The following PHLDB1 variants were observed in gnomAD, a reference collection of about 807,000 sequenced individuals.
PHLDB1 encodes the protein pleckstrin homology-like domain family B member 1.
PHLDB1 carries 65 observed loss-of-function variants against 139.3 expected under a neutral mutation model. The observed-to-expected ratio is 0.47, with a 90% CI of 0.38 to 0.57. The LOEUF is 0.57. Among genes scored for constraint, PHLDB1 ranks in the 20% least tolerant of loss-of-function variants. PHLDB1 has a pLI of 0.00. For missense variants in PHLDB1, 1,624 were observed against 1,839.7 expected (o/e 0.88, Z 2.14); for synonymous variants, 679 against 734.5 (o/e 0.92, Z 1.22).
intron 12 of PHLDB1, chr11:118,640,825 G>C (rs1308990336): frequency 6.6e-6 from 1 of 152,266 alleles, no homozygotes; most frequent in Non-Finnish European, 1.5e-5. Flanking sequence ...AGCCCAGGGC[G>C]AATTCAGGCA....
intron 18 of PHLDB1, among the ~76,000 whole-genome samples, chr11:118,648,563 C>T (rs1947912057): frequency 6.6e-6 from 1 of 152,114 alleles, no homozygotes; most frequent in African/African-American, 2.4e-5. Flanking sequence ...TGCTGGCCCA[C>T]ACCCCACAGG....
rs1324842014 is a variant in PHLDB1 at position 118,611,960 on chromosome 11, C to T, written c.-21-1856C>T. On this transcript the variant is annotated intron_variant, in intron 1 of 22. Transcript: ENST00000600882. This position sits in a 1 kb window ranked among gnomAD's most constrained non-coding sequence, Gnocchi z 4.7. ...GCTTTATTGAGGTATAATTTATATACTATAACATCCACCCAATTTAAGTAT... is the reference window on the plus strand; with the variant it reads ...GCTTTATTGAGGTATAATTTATATATTATAACATCCACCCAATTTAAGTAT... Among the ~76,000 whole-genome samples, 5 of 151,986 alleles carry T rather than the reference C, an allele frequency of 3.3e-5. No individual in the cohort carries two copies. The highest frequency in any genetic ancestry group is 7.4e-5 in the Non-Finnish European group (5 of 68,004).
chr11:118,628,585 G>A lies in PHLDB1; in HGVS notation c.1762G>A (p.Asp588Asn), dbSNP rs533645182. 74 of 1,612,802 alleles carry A rather than the reference G, an allele frequency of 4.6e-5. No homozygotes were observed. The East Asian group carries it at 1.4e-3, about 30-fold the overall frequency. ...CACAGAGATCAGTGACAATGAGGAC[G>A]ACCTCCTGGAGTACCACCGGCGACA... ...SITEISDNED[D>N]LLEYHRRQRQ... The change falls in exon 6 of 23, where the codon GAC (aspartate) becomes AAC (asparagine). Residue 588 changes from aspartate (D) to asparagine (N), a missense_variant. Asp to Asn is a conservative substitution (Grantham distance 23, BLOSUM62 1). Transcript: ENST00000600882.
At chr11:118,654,401 A>C (rs1280023176) in intron 20 of PHLDB1, 1 of 152,130 alleles carries the variant, frequency 6.6e-6, no homozygotes, top group African/African-American at 2.4e-5. Flanking sequence ...TTTTTTTAAA[A>C]AATAGGTAAA....
rs911819311 is a variant in PHLDB1, at chr11:118,629,501, G to C, written c.1827+851G>C. 3.1e-4 allele frequency among the ~76,000 whole-genome samples: 47 copies of C among 152,324 alleles called. 1 individual carries two copies. The highest frequency in any genetic ancestry group is 2.3e-3 in the Admixed American group (35 of 15,302). On this transcript the variant is annotated intron_variant, in intron 6 of 22. Coordinates refer to ENST00000600882, the MANE Select transcript of PHLDB1 (RefSeq NM_001144758.3). ...ATGGATTCTGCCCTCTGTCCCTTAC[G>C]AGCAGAACAGGGTTCTTTGGAAGGT...
intron 12 of PHLDB1, 197 bp from the exon 13 acceptor site, chr11:118,642,057 C>T (rs1555121387): frequency 1.7e-6 from 1 of 598,166 alleles, no homozygotes; most frequent in Admixed American, 2.5e-5. Flanking sequence ...TCTCCTTTCT[C>T]CCTTCCTTCC....
chr11:118,613,548 G>A lies in PHLDB1; in HGVS notation c.-21-268G>A, dbSNP rs551553987. ...TAGCATAGGGCAAGAAAGCACAGAA[G>A]TATAGATTGGGCCCTATGGGACTGT... On this transcript the variant is annotated intron_variant, in intron 1 of 22. Coordinates refer to ENST00000600882, the MANE Select transcript of PHLDB1 (RefSeq NM_001144758.3). 6.5e-4 allele frequency: 533 copies of A among 816,198 alleles called. 1 individual carries two copies. Among genetic ancestry groups the A allele is most frequent in the Non-Finnish European group, 7.9e-4 (482 of 609,526 alleles). The allele number at this position is 816,198 out of a possible 1,614,324, so 50.6% of individuals were successfully genotyped here. A position where few individuals can be genotyped will look rare whatever the true frequency, so the allele number is the denominator to read the frequency against.
chr11:118,641,735 C>G (rs1555120844), intron 12 of PHLDB1: 2 of 1,289,834 alleles, frequency 1.6e-6, no homozygotes, highest in African/African-American at 1.5e-5. Context: ...ACCTGCCTTC[C>G]TCCCATGCTG....
At chr11:118,634,982 C>T (rs1345981686) in intron 9 of PHLDB1, 1 of 462,750 alleles carries the variant, frequency 2.2e-6, no homozygotes, top group Admixed American at 2.3e-5. Context: ...CGCTCTACGC[C>T]GAGCTCCAGA....
At position 118,607,615 on chromosome 11, in the gene PHLDB1, G is replaced by A. The variant is rs7125115; in HGVS notation, c.-106G>A. 59,397 of 144,560 alleles carry A rather than the reference G, an allele frequency of 0.41. 13,259 individuals carry two copies. Among genetic ancestry groups the A allele is most frequent in the African/African-American group, 0.59 (22,246 of 37,790 alleles). The allele number at this position is 144,560 out of a possible 1,614,324, so 9.0% of individuals were successfully genotyped here. A position where few individuals can be genotyped will look rare whatever the true frequency, so the allele number is the denominator to read the frequency against. ...TAGCGAGCTCCCGGGGAAAAGCAAC[G>A]GTGTCCTCCTAAGCCTGAGGCCACC... On this transcript the variant is annotated 5_prime_UTR_variant, in exon 1 of 23. Coordinates refer to ENST00000600882, the MANE Select transcript of PHLDB1 (RefSeq NM_001144758.3).
chr11:118,609,547 GCCCAGCTCACACCGCAGC>G (rs1939769084), intron 1 of PHLDB1, among the ~76,000 whole-genome samples: 1 of 151,104 alleles, frequency 6.6e-6, no homozygotes, highest in Non-Finnish European at 1.5e-5. Flanking sequence ...CACACACACA[GCCCAGCTCACACCGCAGC>G]CCCAGCTCAC....
At position 118,628,146 on chromosome 11, in the gene PHLDB1, T is replaced by C. The variant is rs1555105246; in HGVS notation, c.1323T>C (p.Pro441=). 2 of 1,614,038 alleles carry C rather than the reference T, an allele frequency of 1.2e-6. No homozygotes were observed. The highest frequency in any genetic ancestry group is 2.2e-5 in the South Asian group (2 of 91,082). The change falls in exon 6 of 23, where the codon CCT becomes CCC. Residue 441 remains proline, a synonymous_variant. Transcript: ENST00000600882. The part of the protein sequence containing the change: ...DGLATRTLQP[P]ESPRLGRRGL... Reference sequence around the variant, plus strand: ...TAGCCACCCGTACCCTGCAGCCTCCTGAGAGTCCCCGCCTGGGCCGGCGGG... The same window carrying C: ...TAGCCACCCGTACCCTGCAGCCTCCCGAGAGTCCCCGCCTGGGCCGGCGGG...
At chr11:118,629,841 T>G in intron 6 of PHLDB1, 1 of 370,954 alleles carries the variant, frequency 2.7e-6, no homozygotes. Context: ...CCTCCATCAG[T>G]TTTCCCACCC....
Position 118,643,926 on chromosome 11 carries a change from A to G in PHLDB1, c.3004A>G (p.Ser1002Gly), listed in dbSNP as rs185894596. The G allele has an allele frequency of 6.2e-7, 1 of 1,601,204 alleles. No individual in the cohort carries two copies. The highest frequency in any genetic ancestry group is 1.1e-5 in the South Asian group (1 of 88,556). Residue 1002 changes from serine (S) to glycine (G), a missense_variant, in exon 14 of 23, where the codon AGC (serine) becomes GGC (glycine). Transcript: ENST00000600882. The part of the protein sequence containing the change: ...SQLSVATLGR[S>G]PSPKSALLTQ... The stretch of plus-strand genomic sequence containing the variant: ...GCTCAGCGTGGCTACCCTGGGGCGT[A>G]GCCCCTCCCCAAAGGTCTGAGGACA...
intron 12 of PHLDB1, 35 bp downstream of exon 12, chr11:118,639,286 A>G (rs782661145): frequency 6.5e-7 from 1 of 1,531,716 alleles, no homozygotes; most frequent in South Asian, 1.1e-5. Context: ...CTTCAGGCCC[A>G]AGGCGTGTCC....
At position 118,632,814 on chromosome 11, in the gene PHLDB1, GC is replaced by G; in HGVS notation, c.2379+520del. 1.0e-6 allele frequency: 1 copy of G among 983,310 alleles called. No individual in the cohort carries two copies. The allele number at this position is 983,310 out of a possible 1,614,324, so 60.9% of individuals were successfully genotyped here. ...TGCCCCTGCCCCTTTCAGATTTCGT[GC>G]CAGCCTGCAGGGGCCACTCCCAGAT... is the stretch of plus-strand genomic sequence containing the variant. On this transcript the variant is annotated intron_variant, in intron 9 of 22. Transcript: ENST00000600882. The surrounding 1 kb of genome is among the most constrained non-coding windows in gnomAD (Gnocchi z 5.9).
In PHLDB1 at chr11:118,631,496, G is replaced by C; in HGVS notation, c.2100+17G>C. Reference sequence around the variant, plus strand: ...CAGCAGGAGGTGAGATGGAGGGGTAGGCAAGACAAAGAGGCTGAAGTTGGA... The same window carrying C: ...CAGCAGGAGGTGAGATGGAGGGGTACGCAAGACAAAGAGGCTGAAGTTGGA... On this transcript the variant is annotated intron_variant, in intron 7 of 22. Coordinates refer to ENST00000600882, the MANE Select transcript of PHLDB1 (RefSeq NM_001144758.3). 7.0e-7 allele frequency: 1 copy of C among 1,422,920 alleles called. No individual in the cohort carries two copies. The highest frequency in any genetic ancestry group is 9.1e-7 in the Non-Finnish European group (1 of 1,092,970). The allele number at this position is 1,422,920 out of a possible 1,614,324, so 88.1% of individuals were successfully genotyped here.
intron 12 of PHLDB1, chr11:118,639,463 G>A (rs186431343): frequency 2.4e-5 from 14 of 582,024 alleles, no homozygotes; most frequent in African/African-American, 2.1e-4. Context: ...GTTCCCAGGA[G>A]CCTACAGATT....
intron 10 of PHLDB1, 74 bp from the exon 11 acceptor site, chr11:118,638,817 G>C: frequency 8.9e-7 from 1 of 1,128,200 alleles, no homozygotes; most frequent in East Asian, 2.6e-5. Flanking sequence ...GTCTGGGCAG[G>C]AGAGCCAGCT....
Sources: gnomAD v4.1 joint callset for allele counts (sites outside exome capture counted in the v4.1 genomes callset) on GRCh38, gnomAD v4.1.1 for gene constraint, Gnocchi (gnomAD v3.1) non-coding constraint, MANE v1.5 for transcripts, NCBI Gene and HGNC (gene_info 2026-07-23, HGNC 2026-07-21) for gene names.